Variants in FBXO34 observed in about 807,000 individuals in gnomAD.
FBXO34 encodes the protein F-box only protein 34.
Under a neutral mutation model 24.5 loss-of-function variants are expected in FBXO34, and 12 were observed. That is an observed-to-expected ratio of 0.49 (90% CI 0.31 to 0.79). The LOEUF (loss-of-function observed/expected upper bound fraction) is 0.79, where lower values mean the gene tolerates loss of function less well. FBXO34 is among the 30% of genes least tolerant of loss of function. The pLI, the probability that FBXO34 is intolerant of heterozygous loss-of-function variation, is 0.04. For missense variants in FBXO34, 823 were observed against 857.7 expected (o/e 0.96, Z 0.51); for synonymous variants, 320 against 311.9 (o/e 1.03, Z -0.27).
At chr14:55,402,945 ATATATATATATATATATATATAT>A in the FBXO34 span, among the ~76,000 whole-genome samples, 1 of 68,974 alleles carries the variant, frequency 1.4e-5, no homozygotes, top group Admixed American at 1.5e-4. Flanking sequence ...ATATATATAT[ATATATATATATATATATATATAT>A]AAATAGCTGG....
At chr14:55,298,780 G>T (rs1192353548) in intron 1 of FBXO34, 9 of 1,593,990 alleles carry the variant, frequency 5.6e-6, no homozygotes, top group African/African-American at 1.3e-5. Context: ...CAGAGGCACG[G>T]CACCAAAAAC....
chr14:55,350,302 A>G, intron 1 of FBXO34, 79 bp from the exon 2 acceptor site: 2 of 1,066,276 alleles, frequency 1.9e-6, no homozygotes, highest in East Asian at 2.7e-5. Context: ...GCTAAGAACC[A>G]TCTGAGCTTA....
In FBXO34 at chr14:55,296,391, G is replaced by GTT. The variant is rs1167344634; in HGVS notation, c.-11+24877_-11+24878dup. On this transcript the variant is annotated intron_variant, in intron 1 of 1. Coordinates refer to ENST00000313833, the MANE Select transcript of FBXO34 (RefSeq NM_017943.4). ...GTTTTGCTGTTCTTGTGTTTTTTTT[G>GTT]TTTTTTTTTTTTTTTTTTTTTTTTG... Among the ~76,000 whole-genome samples, 583 of 64,692 alleles carry GTT rather than the reference G, an allele frequency of 9.0e-3. 2 individuals are homozygous for GTT. Among genetic ancestry groups the GTT allele is most frequent in the East Asian group, 0.013 (21 of 1,662 alleles). 42.4% of individuals were successfully genotyped at this position (64,692 alleles called of 152,430 possible). A position where few individuals can be genotyped will look rare whatever the true frequency, so the allele number is the denominator to read the frequency against.
chr14:55,367,317 C>T (rs139037824), exon 3 of FBXO34: 1 of 152,164 alleles, frequency 6.6e-6, no homozygotes, highest in South Asian at 2.1e-4. Context: ...CTTACAAGAT[C>T]GTTAAGTTTA....
chr14:55,286,387 G>A (rs898704710), intron 1 of FBXO34, among the ~76,000 whole-genome samples: 2 of 152,076 alleles, frequency 1.3e-5, no homozygotes, highest in Non-Finnish European at 2.9e-5. Flanking sequence ...TGTCATTTGC[G>A]TTGTACGGCT....
At chr14:55,436,598 G>A in the FBXO34 span, 2 of 1,614,146 alleles carry the variant, frequency 1.2e-6, no homozygotes, top group African/African-American at 1.3e-5. Flanking sequence ...TCTGAAATAG[G>A]GGTCATTGGT....
At chr14:55,430,144 G>A in the FBXO34 span, among the ~76,000 whole-genome samples, 1 of 152,064 alleles carries the variant, frequency 6.6e-6, no homozygotes, top group African/African-American at 2.4e-5. Flanking sequence ...AACTGTTAGT[G>A]ACAAAACAAA....
chr14:55,395,990 G>A, the FBXO34 span: 2 of 1,576,772 alleles, frequency 1.3e-6, no homozygotes, highest in Non-Finnish European at 8.6e-7. Flanking sequence ...ACTCTGTGAG[G>A]AAAAGAGACA....
chr14:55,402,638 G>A, the FBXO34 span, among the ~76,000 whole-genome samples: 1 of 151,314 alleles, frequency 6.6e-6, no homozygotes, highest in Admixed American at 6.6e-5. Flanking sequence ...ATTTTCATAG[G>A]CAAATAAGAT....
the FBXO34 span, among the ~76,000 whole-genome samples, chr14:55,427,023 G>T: frequency 1.3e-5 from 2 of 152,216 alleles, no homozygotes; most frequent in Admixed American, 6.5e-5. Flanking sequence ...TTCGGGCAGA[G>T]CTCTTGCAGA....
chr14:55,316,113 T>G (rs1460770939), intron 1 of FBXO34, among the ~76,000 whole-genome samples: 2 of 152,188 alleles, frequency 1.3e-5, no homozygotes, highest in African/African-American at 4.8e-5. Context: ...TCTTTTTTTT[T>G]GGTAGCATAC....
intron 1 of FBXO34, among the ~76,000 whole-genome samples, chr14:55,296,257 C>T (rs1269411121): frequency 6.6e-6 from 1 of 151,990 alleles, no homozygotes; most frequent in Admixed American, 6.6e-5. Flanking sequence ...TTTTTATGTT[C>T]TCCCTTTATC....
chr14:55,318,024 G>A (rs1303836355), intron 1 of FBXO34, among the ~76,000 whole-genome samples: 1 of 151,994 alleles, frequency 6.6e-6, no homozygotes, highest in African/African-American at 2.4e-5. Flanking sequence ...TGAACGTTTT[G>A]TAAGAGAATG....
chr14:55,385,942 C>T, the FBXO34 span: 16 of 1,614,190 alleles, frequency 9.9e-6, no homozygotes, highest in Non-Finnish European at 1.4e-5. Context: ...TTGCCAGACG[C>T]TCATAATGAC....
chr14:55,301,220 T>C (rs1882342359), intron 1 of FBXO34, among the ~76,000 whole-genome samples: 1 of 152,126 alleles, frequency 6.6e-6, no homozygotes, highest in South Asian at 2.1e-4. Flanking sequence ...GAGGATTGGT[T>C]GTCTCCAGGA....
chr14:55,272,345 C>T (rs1223469649), intron 1 of FBXO34: 2 of 152,200 alleles, frequency 1.3e-5, no homozygotes, highest in Admixed American at 1.3e-4. Flanking sequence ...GTCCAGCAAG[C>T]GTTGCGAGTA....
chr14:55,324,012 T>A (rs540807012), intron 1 of FBXO34, among the ~76,000 whole-genome samples: 2 of 152,162 alleles, frequency 1.3e-5, no homozygotes, highest in East Asian at 3.9e-4. Context: ...CACCACTGTT[T>A]AATTATAGAA....
downstream of FBXO34, among the ~76,000 whole-genome samples, chr14:55,363,339 CT>C (rs894661564): frequency 1.1e-4 from 17 of 148,546 alleles, no homozygotes; most frequent in African/African-American, 4.2e-4. Context: ...TTGGCCTTTT[CT>C]TTTTTTCAGA....
chr14:55,311,133 C>T (rs961622743), intron 1 of FBXO34, among the ~76,000 whole-genome samples: 1 of 152,182 alleles, frequency 6.6e-6, no homozygotes, highest in African/African-American at 2.4e-5. Context: ...TTCCACATGA[C>T]TTGGGAGGAC....
Sources: allele counts gnomAD v4.1 joint callset (sites outside exome capture counted in the v4.1 genomes callset), GRCh38; gene constraint gnomAD v4.1.1; transcripts MANE v1.5; gene names NCBI Gene and HGNC (gene_info 2026-07-23, HGNC 2026-07-21).